FARSA: variants seen among roughly 807,000 people sequenced by gnomAD.
The protein encoded by FARSA is phenylalanyl-tRNA synthetase subunit alpha, also known as phenylalanine--tRNA ligase alpha subunit.
A neutral mutation model predicts 63.2 loss-of-function variants in FARSA; 37 were observed. That is an observed-to-expected ratio of 0.59 (90% CI 0.45 to 0.77). The LOEUF (loss-of-function observed/expected upper bound fraction) is 0.77, where lower values mean the gene tolerates loss of function less well. Ranked by LOEUF, FARSA falls within the 30% of genes least tolerant of loss-of-function variation. The pLI, the probability that FARSA is intolerant of heterozygous loss-of-function variation, is 0.00. For missense variants in FARSA, 618 were observed against 696.6 expected (o/e 0.89, Z 1.27); for synonymous variants, 312 against 285.1 (o/e 1.09, Z -0.95).
chr19:12,929,555 G>C (rs1386622354), intron 4 of FARSA, among the ~76,000 whole-genome samples: 2 of 152,044 alleles, frequency 1.3e-5, no homozygotes, highest in African/African-American at 4.8e-5. Context: ...GGCTGGCCTT[G>C]AATTCATGGA....
Position 12,930,741 on chromosome 19 carries a change from C to T in FARSA, c.156G>A (p.Glu52=). 1 of 1,607,860 alleles carries T rather than the reference C, an allele frequency of 6.2e-7. No homozygotes were observed. Among genetic ancestry groups the T allele is most frequent in the Non-Finnish European group, 8.5e-7 (1 of 1,180,006 alleles). ...KSLQALGEVI[E]AELRSTKHWE... Reference sequence around the variant, plus strand: ...AGTGCTTGGTGGACCGAAGTTCAGCCTCGATGACCTAGAGGGAAATGTGGG... The same window carrying T: ...AGTGCTTGGTGGACCGAAGTTCAGCTTCGATGACCTAGAGGGAAATGTGGG... The change falls in exon 2 of 13, where the codon GAG becomes GAA. Residue 52 remains glutamate (E), a synonymous_variant. Coordinates refer to ENST00000314606, the MANE Select transcript of FARSA (RefSeq NM_004461.3).
At position 12,924,226 on chromosome 19, in the gene FARSA, A is replaced by G; in HGVS notation, c.1313T>C (p.Phe438Ser). 2 of 1,614,092 alleles carry G rather than the reference A, an allele frequency of 1.2e-6. No individual in the cohort carries two copies. Among genetic ancestry groups the G allele is most frequent in the Non-Finnish European group, 1.7e-6 (2 of 1,180,030 alleles). ...KWVEVGNSGV[F>S]RPEMLLPMGL... ...CATGGGCAGCAGCATCTCTGGACGG[A>G]AGACCCCCGAGTTTCCGACCTCCAC... Residue 438 changes from phenylalanine to serine, a missense_variant, in exon 12 of 13, where the codon TTC becomes TCC. By Grantham distance (155) the Phe-to-Ser change is radical (BLOSUM62 -2). Coordinates refer to ENST00000314606, the MANE Select transcript of FARSA (RefSeq NM_004461.3). The surrounding 1 kb of genome is among the most constrained non-coding windows in gnomAD (Gnocchi z 6.4).
chr19:12,927,911 A>C (rs1246003888), intron 7 of FARSA, among the ~76,000 whole-genome samples: 1 of 149,270 alleles, frequency 6.7e-6, no homozygotes, highest in Non-Finnish European at 1.5e-5. Flanking sequence ...AATCCCAGCT[A>C]CTCGGGAGGC....
At chr19:12,922,984 G>C in intron 12 of FARSA, 98 bp from the exon 13 acceptor site, 1 of 1,547,042 alleles carries the variant, frequency 6.5e-7, no homozygotes, top group Non-Finnish European at 8.8e-7. Context: ...AAAAGTTCAA[G>C]TTCTCCCCAT....
At chr19:12,931,501 A>G (rs1971395289) in intron 1 of FARSA, among the ~76,000 whole-genome samples, 1 of 152,090 alleles carries the variant, frequency 6.6e-6, no homozygotes, top group African/African-American at 2.4e-5. Flanking sequence ...TGACCTCGTA[A>G]TCGGCCGACT....
chr19:12,925,076 A>C lies in FARSA; in HGVS notation c.926+14T>G, dbSNP rs1457457140. On this transcript the variant is annotated intron_variant, in intron 8 of 12. Transcript: ENST00000314606. ...AGCCTCCTTCCCTTCCATACCAGGT[A>C]AGTCCTGCCTCACCCCTGTGAGCCG... is the stretch of plus-strand genomic sequence containing the variant. The C allele has an allele frequency of 6.2e-7, 1 of 1,612,568 alleles. No individual in the cohort carries two copies. Among genetic ancestry groups the C allele is most frequent in the South Asian group, 1.1e-5 (1 of 91,036 alleles).
intron 7 of FARSA, among the ~76,000 whole-genome samples, chr19:12,927,211 G>A (rs571977977): frequency 6.6e-6 from 1 of 152,350 alleles, no homozygotes; most frequent in East Asian, 1.9e-4. Flanking sequence ...TGAGGCTGCA[G>A]CCTGCCTTGA....
Position 12,924,687 on chromosome 19 carries a change from T to TGA in FARSA, c.1145_1146dup (p.Thr383SerfsTer45), listed in dbSNP as rs749767689. 6.3e-7 allele frequency: 1 copy of TGA among 1,592,194 alleles called. No homozygotes were observed. Among genetic ancestry groups the TGA allele is most frequent in the Non-Finnish European group, 8.6e-7 (1 of 1,166,764 alleles). On this transcript the variant is annotated frameshift_variant, in exon 10 of 13. Coordinates refer to ENST00000314606, the MANE Select transcript of FARSA (RefSeq NM_004461.3). LOFTEE classifies it high-confidence loss of function. This position sits in a 1 kb window ranked among gnomAD's most constrained non-coding sequence, Gnocchi z 6.4. ...AGAACGCCCATGAGGTGGCCCAAGG[T>TGA]GAGACCATGATCCGCCACCACGCCC... is the stretch of plus-strand genomic sequence containing the variant.
At chr19:12,925,932 C>G (rs1243725024) in intron 7 of FARSA, among the ~76,000 whole-genome samples, 1 of 151,522 alleles carries the variant, frequency 6.6e-6, no homozygotes, top group Non-Finnish European at 1.5e-5. Flanking sequence ...CTGGGCCTCC[C>G]AAAGTGCTGG....
Position 12,924,617 on chromosome 19 carries a change from C to A in FARSA, c.1195+22G>T. On this transcript the variant is annotated intron_variant, in intron 10 of 12. Coordinates refer to ENST00000314606, the MANE Select transcript of FARSA (RefSeq NM_004461.3). The surrounding 1 kb of genome is among the most constrained non-coding windows in gnomAD (Gnocchi z 6.4). ...CTGCCCGCTGCCTCACCACCATGGC[C>A]CACCCCTGCCCCCCTGCTCACCCAG... 6.2e-7 allele frequency: 1 copy of A among 1,610,280 alleles called. No individual in the cohort carries two copies. The highest frequency in any genetic ancestry group is 8.5e-7 in the Non-Finnish European group (1 of 1,177,964).
chr19:12,929,627 C>T (rs1971367397), intron 4 of FARSA, among the ~76,000 whole-genome samples: 1 of 152,200 alleles, frequency 6.6e-6, no homozygotes, highest in Non-Finnish European at 1.5e-5. Flanking sequence ...GAGCCACACA[C>T]TTGGCCCAGG....
rs1971311712 is a variant in FARSA at position 12,925,127 on chromosome 19, TGACCCGCTG to T, written c.880_888del (p.Gln294_Val296del). 2 of 1,608,204 alleles carry T rather than the reference TGACCCGCTG, an allele frequency of 1.2e-6. No individual in the cohort carries two copies. Among genetic ancestry groups the T allele is most frequent in the African/African-American group, 1.3e-5 (1 of 74,836 alleles). On this transcript the variant is annotated inframe_deletion, in exon 8 of 13. Transcript: ENST00000314606. Reference sequence around the variant, plus strand: ...TAGCCGCCCTGAGAGTGGGTCCGCTTGACCCGCTGGACATAGTCCATTGGGAGCTGCAGG... The same window carrying T: ...TAGCCGCCCTGAGAGTGGGTCCGCTTGACATAGTCCATTGGGAGCTGCAGG...
chr19:12,931,554 C>T (rs1035841375), intron 1 of FARSA, among the ~76,000 whole-genome samples: 2 of 152,216 alleles, frequency 1.3e-5, no homozygotes, highest in Non-Finnish European at 2.9e-5. Flanking sequence ...AGCCGCCGTG[C>T]CCGGCCCTTT....
Position 12,933,559 on chromosome 19 carries a change from C to G in FARSA, c.138G>C (p.Ala46=), listed in dbSNP as rs1971418670. The G allele has an allele frequency of 3.9e-6, 6 of 1,544,358 alleles. No homozygotes were observed. Among genetic ancestry groups the G allele is most frequent in the East Asian group, 2.4e-5 (1 of 41,308 alleles). Residue 46 remains alanine (A), a synonymous_variant, in exon 1 of 13, where the codon GCG becomes GCC. Transcript: ENST00000314606. ...AVVGAVKSLQ[A]LGEVIEAELR... Reference sequence around the variant, plus strand: ...CACGGGCCCGGCTCACCTCGCCCAGCGCCTGAAGGCTCTTCACGGCGCCCA... The same window carrying G: ...CACGGGCCCGGCTCACCTCGCCCAGGGCCTGAAGGCTCTTCACGGCGCCCA...
Position 12,928,658 on chromosome 19 carries a change from G to C in FARSA, c.602C>G (p.Ser201Cys). The C allele has an allele frequency of 6.2e-7, 1 of 1,612,646 alleles. No homozygotes were observed. Among genetic ancestry groups the C allele is most frequent in the Non-Finnish European group, 8.5e-7 (1 of 1,179,324 alleles). Residue 201 changes from serine (S) to cysteine (C), a missense_variant, in exon 6 of 13, where the codon TCT becomes TGT. Ser to Cys is a moderately radical substitution (Grantham distance 112). Transcript: ENST00000314606. ...GGGCTTGAAGGGCCGGTCCCGCCAAGAGCCACTGGGGGAGGATGCAAGGGC... is the reference window on the plus strand; with the variant it reads ...GGGCTTGAAGGGCCGGTCCCGCCAACAGCCACTGGGGGAGGATGCAAGGGC... Reference protein sequence around the residue: ...ELSPEMISSGSWRDRPFKPYN... With the variant: ...ELSPEMISSGCWRDRPFKPYN...
At chr19:12,923,145 C>T (rs924774835) in intron 12 of FARSA, among the ~76,000 whole-genome samples, 2 of 152,112 alleles carry the variant, frequency 1.3e-5, no homozygotes, top group Non-Finnish European at 2.9e-5. Context: ...ACACCCTTCC[C>T]CAGATACTCT....
At chr19:12,929,177 C>T (rs148301921) in intron 4 of FARSA, among the ~76,000 whole-genome samples, 7 of 152,254 alleles carry the variant, frequency 4.6e-5, no homozygotes, top group Admixed American at 3.9e-4. Context: ...CCACAAGCCC[C>T]GGAAAGAGGG....
rs1971352156 is a variant in FARSA at position 12,928,476 on chromosome 19, T to C, written c.726-19A>G. On this transcript the variant is annotated intron_variant, in intron 6 of 12. Coordinates refer to ENST00000314606, the MANE Select transcript of FARSA (RefSeq NM_004461.3). ...GGTGAACCTGGTGGGAGACACAGCC[T>C]GACTGCCCTGCCTGTACCCAGCAGA... 1.2e-6 allele frequency: 2 copies of C among 1,613,982 alleles called. No homozygotes were observed. Among genetic ancestry groups the C allele is most frequent in the Admixed American group, 3.3e-5 (2 of 60,014 alleles).
chr19:12,932,383 C>T (rs1343782527), intron 1 of FARSA, among the ~76,000 whole-genome samples: 1 of 151,900 alleles, frequency 6.6e-6, no homozygotes, highest in South Asian at 2.1e-4. Flanking sequence ...TTAGATTGAA[C>T]CTCACCTCCT....
Sources: gnomAD v4.1 joint callset for allele counts (sites outside exome capture counted in the v4.1 genomes callset) on GRCh38, gnomAD v4.1.1 for gene constraint, Gnocchi (gnomAD v3.1) non-coding constraint, MANE v1.5 for transcripts, NCBI Gene and HGNC (gene_info 2026-07-23, HGNC 2026-07-21) for gene names.